The following ARK2N variants were observed in gnomAD, a reference collection of about 807,000 sequenced individuals.
ARK2N encodes the protein arkadia (RNF111) N-terminal like PKA signaling regulator 2N.
the ARK2N span, among the ~76,000 whole-genome samples, chr18:46,174,804 A>G: frequency 2.0e-5 from 3 of 152,104 alleles, no homozygotes; most frequent in Non-Finnish European, 4.4e-5. Context: ...GCCAGCTCCG[A>G]GAGTAGGGGG....
chr18:46,234,304 TCTC>T, the ARK2N span, among the ~76,000 whole-genome samples: 2 of 152,130 alleles, frequency 1.3e-5, no homozygotes, highest in African/African-American at 4.8e-5. Context: ...TTCAAGTGAT[TCTC>T]CTGCCTCAGC....
the ARK2N span, chr18:46,219,316 TATC>T: frequency 2.6e-5 from 4 of 152,108 alleles, no homozygotes; most frequent in South Asian, 2.1e-4. Flanking sequence ...TGTTTGGAGG[TATC>T]ATATCAAAAT....
the ARK2N span, chr18:46,174,277 C>T: frequency 1.3e-5 from 2 of 152,304 alleles, no homozygotes; most frequent in African/African-American, 4.8e-5. Context: ...GTGCGTGCCC[C>T]GACGGGGCGC....
At chr18:46,228,319 T>C in the ARK2N span, among the ~76,000 whole-genome samples, 1 of 152,328 alleles carries the variant, frequency 6.6e-6, no homozygotes, top group East Asian at 1.9e-4. Context: ...TACTTTTCTA[T>C]GCATGTGTAA....
At chr18:46,207,095 GTACA>G in the ARK2N span, among the ~76,000 whole-genome samples, 2 of 152,100 alleles carry the variant, frequency 1.3e-5, no homozygotes, top group South Asian at 4.1e-4. Flanking sequence ...TGATTTCAGT[GTACA>G]CATAAGTGAT....
At chr18:46,223,973 C>G in the ARK2N span, among the ~76,000 whole-genome samples, 4 of 152,156 alleles carry the variant, frequency 2.6e-5, no homozygotes, top group African/African-American at 9.6e-5. Context: ...ATGAAGAGTT[C>G]AATATAGTTA....
At chr18:46,200,683 G>A in the ARK2N span, among the ~76,000 whole-genome samples, 1 of 152,182 alleles carries the variant, frequency 6.6e-6, no homozygotes, top group Non-Finnish European at 1.5e-5. Flanking sequence ...TATCCATGAA[G>A]TGGCTTCTTA....
chr18:46,235,639 C>T, the ARK2N span, among the ~76,000 whole-genome samples: 1 of 152,218 alleles, frequency 6.6e-6, no homozygotes, highest in Non-Finnish European at 1.5e-5. Flanking sequence ...ATCTGTACTT[C>T]CTATGCTGCT....
At chr18:46,237,668 G>A in the ARK2N span, among the ~76,000 whole-genome samples, 25 of 152,216 alleles carry the variant, frequency 1.6e-4, no homozygotes, top group Non-Finnish European at 2.4e-4. Flanking sequence ...GATTACAGGC[G>A]TGAGCCAGCA....
the ARK2N span, among the ~76,000 whole-genome samples, chr18:46,244,764 G>A: frequency 2.6e-5 from 4 of 151,642 alleles, no homozygotes; most frequent in African/African-American, 9.7e-5. Context: ...ACTGCGCCTG[G>A]CTAATTTTTG....
At chr18:46,207,308 A>T in the ARK2N span, among the ~76,000 whole-genome samples, 1 of 151,862 alleles carries the variant, frequency 6.6e-6, no homozygotes, top group Non-Finnish European at 1.5e-5. Context: ...ATTGATTACT[A>T]GGTAGCTGAA....
chr18:46,185,354 A>G, the ARK2N span, among the ~76,000 whole-genome samples: 26 of 152,320 alleles, frequency 1.7e-4, no homozygotes, highest in African/African-American at 6.3e-4. Context: ...GTATAAAGTT[A>G]ACTCTTAACT....
the ARK2N span, among the ~76,000 whole-genome samples, chr18:46,233,451 C>A: frequency 7.4e-4 from 112 of 152,266 alleles, no homozygotes; most frequent in African/African-American, 2.7e-3. Flanking sequence ...ATGGTGACCT[C>A]TTCAGGTGCC....
chr18:46,228,818 A>C, the ARK2N span: 1 of 398,494 alleles, frequency 2.5e-6, no homozygotes, highest in African/African-American at 2.1e-5. Flanking sequence ...CGATCTGCAC[A>C]CCTTGGCCTC....
At chr18:46,188,534 C>T in the ARK2N span, among the ~76,000 whole-genome samples, 1,739 of 151,956 alleles carry the variant, frequency 0.011, 61 homozygotes, top group East Asian at 0.12. Flanking sequence ...TTAGTAGGGA[C>T]GAGGTCTCAC....
At chr18:46,213,215 T>G in the ARK2N span, among the ~76,000 whole-genome samples, 1 of 151,902 alleles carries the variant, frequency 6.6e-6, no homozygotes, top group Non-Finnish European at 1.5e-5. Flanking sequence ...TCGGCCAGGC[T>G]GGTCTTGAAC....
chr18:46,177,300 A>T, the ARK2N span, among the ~76,000 whole-genome samples: 11 of 152,096 alleles, frequency 7.2e-5, no homozygotes, highest in Non-Finnish European at 1.5e-4. Flanking sequence ...TCACACCTCT[A>T]ATCCCAGCAT....
At chr18:46,255,652 T>C in the ARK2N span, among the ~76,000 whole-genome samples, 2 of 151,918 alleles carry the variant, frequency 1.3e-5, no homozygotes, top group African/African-American at 2.4e-5. Context: ...TGTTTCTCCA[T>C]GTTGGTCAGG....
At chr18:46,217,737 T>G in the ARK2N span, 46 of 152,164 alleles carry the variant, frequency 3.0e-4, no homozygotes, top group Admixed American at 2.0e-4. Flanking sequence ...CCATATAATA[T>G]AAATATGAGT....
Sources: gnomAD v4.1 joint callset for allele counts (sites outside exome capture counted in the v4.1 genomes callset) on GRCh38, gnomAD v4.1.1 for gene constraint, MANE v1.5 for transcripts, NCBI Gene and HGNC (gene_info 2026-07-23, HGNC 2026-07-21) for gene names.